Variants in DNAJC16 observed in about 807,000 individuals in gnomAD.
DNAJC16 encodes DnaJ heat shock protein family (Hsp40) member C16.
In DNAJC16, 76 loss-of-function variants were observed where a neutral mutation model predicts 92.7. The ratio of observed to expected loss-of-function variants is 0.82; its 90% CI spans 0.68 to 0.99. The LOEUF (loss-of-function observed/expected upper bound fraction) is 0.99. Ranked by LOEUF, DNAJC16 falls within the 50% of genes least tolerant of loss-of-function variation. The pLI is 0.00. For synonymous variants in DNAJC16, 328 were observed against 358.7 expected, an observed-to-expected ratio of 0.91 and a Z score of 0.97; for missense variants, 869 against 942.4, an observed-to-expected ratio of 0.92 and a Z score of 1.02.
chr1:15,556,822 G>T (rs1638581966), intron 7 of DNAJC16, among the ~76,000 whole-genome samples: 1 of 152,168 alleles, frequency 6.6e-6, no homozygotes, highest in Non-Finnish European at 1.5e-5. Context: ...TTTGCAGAAG[G>T]CTTTTAAAAT....
chr1:15,534,962 A>G (rs1710746018), intron 3 of DNAJC16, among the ~76,000 whole-genome samples: 1 of 152,294 alleles, frequency 6.6e-6, no homozygotes, highest in Middle Eastern at 3.4e-3. Context: ...TAAACACAAG[A>G]TTTTCAGTAA....
chr1:15,527,245 C>G (rs1474074500), intron 1 of DNAJC16, among the ~76,000 whole-genome samples: 2 of 152,144 alleles, frequency 1.3e-5, no homozygotes, highest in African/African-American at 4.8e-5. Context: ...GGCAGCCTAC[C>G]TGTTGGGCAG....
rs1365058709 is a variant in DNAJC16, at chr1:15,571,281, A to G, written c.*3104A>G. On this transcript the variant is annotated 3_prime_UTR_variant, in exon 15 of 15. Coordinates refer to ENST00000375847, the MANE Select transcript of DNAJC16 (RefSeq NM_015291.4). ...ATTTGCAGCTGCCATCATTACATAA[A>G]TATTTTTCTGTTATAAAAAGAAGTG... is the stretch of plus-strand genomic sequence containing the variant. 1 of 152,238 alleles carries G rather than the reference A, an allele frequency of 6.6e-6. No homozygotes were observed. Among genetic ancestry groups the G allele is most frequent in the Non-Finnish European group, 1.5e-5 (1 of 68,038 alleles). 9.4% of individuals were successfully genotyped at this position (152,238 alleles called of 1,614,324 possible).
In DNAJC16 at chr1:15,548,336, G is replaced by A. The variant is rs780890361; in HGVS notation, c.931G>A (p.Glu311Lys). The change falls in exon 7 of 15, where the codon GAA becomes AAA. Residue 311 changes from glutamate to lysine, a missense_variant. Transcript: ENST00000375847. ...TGTATATGTGGGTTTGAGAGGGACG[G>A]AAGAGATGACAAGGCGGTACAACAT... ...GYVYVGLRGT[E>K]EMTRRYNINI... The A allele has an allele frequency of 6.2e-7, 1 of 1,614,162 alleles. No homozygotes were observed. Among genetic ancestry groups the A allele is most frequent in the Non-Finnish European group, 8.5e-7 (1 of 1,180,022 alleles).
chr1:15,558,599 T>C (rs1638623537), intron 7 of DNAJC16, among the ~76,000 whole-genome samples: 1 of 152,148 alleles, frequency 6.6e-6, no homozygotes, highest in Non-Finnish European at 1.5e-5. Flanking sequence ...CCCAAAGCAT[T>C]TGGGTTAGAG....
chr1:15,567,734 G>C, intron 14 of DNAJC16, 44 bp from the exon 15 acceptor site: 1 of 1,556,948 alleles, frequency 6.4e-7, no homozygotes, highest in African/African-American at 1.4e-5. Context: ...GCAATTAAAT[G>C]TGTCAGGAAA....
chr1:15,554,150 C>T (rs1638514364), intron 7 of DNAJC16, among the ~76,000 whole-genome samples: 1 of 151,820 alleles, frequency 6.6e-6, no homozygotes, highest in Non-Finnish European at 1.5e-5. Flanking sequence ...CTGCAGTGAG[C>T]TGTGTTCGTG....
chr1:15,529,871 C>T (rs904760967), intron 2 of DNAJC16, among the ~76,000 whole-genome samples: 9 of 152,212 alleles, frequency 5.9e-5, no homozygotes, highest in East Asian at 3.9e-4. Context: ...AATCTATGCA[C>T]GTCCTCTCAT....
chr1:15,527,869 TA>T (rs750623354), intron 1 of DNAJC16, among the ~76,000 whole-genome samples: 6 of 152,228 alleles, frequency 3.9e-5, no homozygotes, highest in Admixed American at 2.0e-4. Flanking sequence ...GAAATCAAGA[TA>T]AATGTGTTCC....
chr1:15,564,075 AG>A lies in DNAJC16; in HGVS notation c.1486del (p.Ala496GlnfsTer6). Reference sequence around the variant, plus strand: ...AAGATCCAGCTCTTCTGTCCTCTGAAGCAGTGCTTCCTGACCTGACCGATGA... The same window carrying A: ...AAGATCCAGCTCTTCTGTCCTCTGAACAGTGCTTCCTGACCTGACCGATGA... ...RKDPALLSSE[A>X]VLPDLTDELA... is the part of the protein sequence containing the mutation. On this transcript the variant is annotated frameshift_variant, in exon 10 of 15. Coordinates refer to ENST00000375847, the MANE Select transcript of DNAJC16 (RefSeq NM_015291.4). LOFTEE classifies it high-confidence loss of function. The A allele has an allele frequency of 6.2e-7, 1 of 1,614,212 alleles. No individual in the cohort carries two copies. The highest frequency in any genetic ancestry group is 8.5e-7 in the Non-Finnish European group (1 of 1,180,024).
intron 7 of DNAJC16, among the ~76,000 whole-genome samples, chr1:15,553,501 T>G (rs1416700096): frequency 6.6e-6 from 1 of 152,242 alleles, no homozygotes; most frequent in Non-Finnish European, 1.5e-5. Flanking sequence ...CCCAAAGTGC[T>G]GGGATTACAG....
Position 15,559,802 on chromosome 1 carries a change from G to A in DNAJC16, c.1154+146G>A, listed in dbSNP as rs1031173936. ...TACTGGGCCGGGCATGGTGGCTCAT[G>A]CCTGTAATCCCAGCACTTTGGGAGG... On this transcript the variant is annotated intron_variant, in intron 8 of 14. Coordinates refer to ENST00000375847, the MANE Select transcript of DNAJC16 (RefSeq NM_015291.4). 5.7e-6 allele frequency: 7 copies of A among 1,217,646 alleles called. No individual in the cohort carries two copies. In the African/African-American group the frequency reaches 7.7e-5, roughly 13 times the overall value. 75.4% of individuals were successfully genotyped at this position (1,217,646 alleles called of 1,614,324 possible).
chr1:15,538,443 C>G (rs898670720), intron 4 of DNAJC16, among the ~76,000 whole-genome samples: 1 of 151,848 alleles, frequency 6.6e-6, no homozygotes, highest in Non-Finnish European at 1.5e-5. Flanking sequence ...CCTGGCCAGG[C>G]GCAGTGGCTC....
In DNAJC16 at chr1:15,567,935, G is replaced by A. The variant is rs1344821870; in HGVS notation, c.2107G>A (p.Gly703Ser). Residue 703 changes from glycine (G) to serine (S), a missense_variant, in exon 15 of 15, where the codon GGC (glycine) becomes AGC (serine). Coordinates refer to ENST00000375847, the MANE Select transcript of DNAJC16 (RefSeq NM_015291.4). ...CACTGGTTATGTACTGGCTCTGAAT[G>A]GCCACAAGAAATACTTCTGCCTCTT... ...DYTGYVLALNGHKKYFCLFKP... is the reference protein window; with the variant it reads ...DYTGYVLALNSHKKYFCLFKP... 1 of 1,614,046 alleles carries A rather than the reference G, an allele frequency of 6.2e-7. No individual in the cohort carries two copies. Among genetic ancestry groups the A allele is most frequent in the African/African-American group, 1.3e-5 (1 of 74,914 alleles).
chr1:15,544,565 A>G lies in DNAJC16; in HGVS notation c.741A>G (p.Pro247=). The G allele has an allele frequency of 6.2e-7, 1 of 1,614,168 alleles. No individual in the cohort carries two copies. The highest frequency in any genetic ancestry group is 8.5e-7 in the Non-Finnish European group (1 of 1,180,010). Residue 247 remains proline, a synonymous_variant, in exon 5 of 15, where the codon CCA becomes CCG. Transcript: ENST00000375847. ...NLRQFVESLL[P]GNLVEKVTNK... ...GACAATTTGTAGAAAGTCTTCTTCC[A>G]GGGAACTTGGTGGAGAAAGTAAGTA... is the stretch of plus-strand genomic sequence containing the variant.
rs1327713875 is a variant in DNAJC16, at chr1:15,564,287, T to G, written c.1526T>G (p.Phe509Cys). Reference protein sequence around the residue: ...PDLTDELAPVFLLRWFYSASD... With the variant: ...PDLTDELAPVCLLRWFYSASD... ...ATCCATTTTCTCTCTACATAGGTTT[T>G]TCTCCTTCGATGGTTCTACTCTGCT... Residue 509 changes from phenylalanine (F) to cysteine (C), a missense_variant, in exon 11 of 15, where the codon TTT becomes TGT. By Grantham distance (205) the Phe-to-Cys change is radical (BLOSUM62 -2). Coordinates refer to ENST00000375847, the MANE Select transcript of DNAJC16 (RefSeq NM_015291.4). 1 of 1,607,174 alleles carries G rather than the reference T, an allele frequency of 6.2e-7. No homozygotes were observed. The highest frequency in any genetic ancestry group is 8.5e-7 in the Non-Finnish European group (1 of 1,173,628).
chr1:15,538,609 C>T (rs183439662), intron 4 of DNAJC16, among the ~76,000 whole-genome samples: 8 of 151,944 alleles, frequency 5.3e-5, no homozygotes, highest in Admixed American at 2.6e-4. Flanking sequence ...CCCAGCTACT[C>T]GGGAGGCTGA....
chr1:15,563,694 C>CAAAA (rs1638743030), intron 9 of DNAJC16, among the ~76,000 whole-genome samples: 20 of 128,230 alleles, frequency 1.6e-4, no homozygotes, highest in African/African-American at 2.3e-4. Flanking sequence ...AAAAAAATAC[C>CAAAA]AAAAATTAGC....
Position 15,570,988 on chromosome 1 carries a change from T to C in DNAJC16, c.*2811T>C, listed in dbSNP as rs115866851. 2.0e-3 allele frequency: 308 copies of C among 151,064 alleles called. No individual in the cohort carries two copies. The highest frequency in any genetic ancestry group is 7.1e-3 in the African/African-American group (293 of 41,172). 9.4% of individuals were successfully genotyped at this position (151,064 alleles called of 1,614,324 possible). A position where few individuals can be genotyped will look rare whatever the true frequency, so the allele number is the denominator to read the frequency against. ...TGGGGTAAAACTGGCCTAAAACAAG[T>C]CTTTGCAGAATACATGCCAATTTCC... On this transcript the variant is annotated 3_prime_UTR_variant, in exon 15 of 15. Coordinates refer to ENST00000375847, the MANE Select transcript of DNAJC16 (RefSeq NM_015291.4).
Sources: allele counts gnomAD v4.1 joint callset (sites outside exome capture counted in the v4.1 genomes callset), GRCh38; gene constraint gnomAD v4.1.1; transcripts MANE v1.5; gene names NCBI Gene and HGNC (gene_info 2026-07-23, HGNC 2026-07-21).